Variants in CNTN4 observed in about 807,000 individuals in gnomAD.
CNTN4 encodes the protein contactin-4.
In CNTN4, 77 loss-of-function variants were observed where a neutral mutation model predicts 122.5. The ratio of observed to expected loss-of-function variants is 0.63; its 90% CI spans 0.52 to 0.76. The LOEUF (loss-of-function observed/expected upper bound fraction) is 0.76. Among genes scored for constraint, CNTN4 ranks in the 30% least tolerant of loss-of-function variants. CNTN4 has a pLI of 0.00. For synonymous variants in CNTN4, 512 were observed against 447.0 expected, an observed-to-expected ratio of 1.15 and a Z score of -1.83; for missense variants, 1,256 against 1,259.1, an observed-to-expected ratio of 1.00 and a Z score of 0.04.
chr3:2,122,586 G>T (rs2033872614), intron 2 of CNTN4, among the ~76,000 whole-genome samples: 1 of 152,142 alleles, frequency 6.6e-6, no homozygotes, highest in Admixed American at 6.5e-5. Context: ...AAACATGTGT[G>T]ATTATATCTG....
intron 7 of CNTN4, among the ~76,000 whole-genome samples, chr3:2,840,635 C>T (rs4684363): frequency 4.2e-5 from 5 of 118,224 alleles, no homozygotes; most frequent in Non-Finnish European, 7.1e-5. Context: ...GGAGGCGGAG[C>T]TTGCAGTGAG....
chr3:2,154,987 A>G (rs900147538), intron 2 of CNTN4, among the ~76,000 whole-genome samples: 1 of 152,234 alleles, frequency 6.6e-6, no homozygotes, highest in African/African-American at 2.4e-5. Flanking sequence ...CAGTAACAAA[A>G]AACCTCTCCC....
chr3:2,821,861 A>G (rs538795860), intron 7 of CNTN4, among the ~76,000 whole-genome samples: 1 of 152,236 alleles, frequency 6.6e-6, no homozygotes, highest in Non-Finnish European at 1.5e-5. Flanking sequence ...TTGACTTTCC[A>G]CATGTTTAAA....
At chr3:2,203,463 G>A (rs2038195602) in intron 2 of CNTN4, among the ~76,000 whole-genome samples, 1 of 151,954 alleles carries the variant, frequency 6.6e-6, no homozygotes, top group Non-Finnish European at 1.5e-5. Context: ...CATATTTCTG[G>A]GAGAAATAGA....
At position 2,436,368 on chromosome 3, in the gene CNTN4, G is replaced by C. The variant is rs55800502; in HGVS notation, c.-89+97135G>C. Among the ~76,000 whole-genome samples the C allele has an allele frequency of 5.5e-3, 843 of 152,232 alleles. 6 individuals carry two copies. The highest frequency in any genetic ancestry group is 0.02 in the African/African-American group (813 of 41,556). ...AAGTAAATGAGACAGGAAAGGCAGTGAGTGCTATAGGAGAAGGCATTCTGA... is the reference window on the plus strand; with the variant it reads ...AAGTAAATGAGACAGGAAAGGCAGTCAGTGCTATAGGAGAAGGCATTCTGA... On this transcript the variant is annotated intron_variant, in intron 3 of 24. Coordinates refer to ENST00000418658, the MANE Select transcript of CNTN4 (RefSeq NM_175607.3).
intron 2 of CNTN4, among the ~76,000 whole-genome samples, chr3:2,224,918 A>G (rs926671835): frequency 4.6e-5 from 7 of 152,182 alleles, no homozygotes; most frequent in African/African-American, 1.7e-4. Flanking sequence ...TGGGAGGCCG[A>G]GGCGGGTGGA....
chr3:2,568,562 TG>T (rs1207088891), intron 3 of CNTN4, among the ~76,000 whole-genome samples: 1 of 152,126 alleles, frequency 6.6e-6, no homozygotes, highest in Non-Finnish European at 1.5e-5. Flanking sequence ...CCATAACTCT[TG>T]GCTCATCCTG....
At chr3:2,117,692 C>T (rs922689621) in intron 2 of CNTN4, among the ~76,000 whole-genome samples, 1 of 152,170 alleles carries the variant, frequency 6.6e-6, no homozygotes, top group Non-Finnish European at 1.5e-5. Flanking sequence ...AGTTTTATGT[C>T]AGGAAATGGG....
rs1574912602 is a variant in CNTN4 at position 2,135,779 on chromosome 3, A to G, written c.-145+35140A>G. On this transcript the variant is annotated intron_variant, in intron 2 of 24. Coordinates refer to ENST00000418658, the MANE Select transcript of CNTN4 (RefSeq NM_175607.3). ...CCTATGTGCAGATTTGTTGTTCAGA[A>G]CAAATGGGGTTACCATAAGTATGGA... Among the ~76,000 whole-genome samples, 5 of 152,186 alleles carry G rather than the reference A, an allele frequency of 3.3e-5. No homozygotes were observed. In the South Asian group the frequency reaches 1.0e-3, roughly 31 times the overall value.
intron 2 of CNTN4, among the ~76,000 whole-genome samples, chr3:2,182,504 G>A (rs1205298301): frequency 6.6e-6 from 1 of 152,074 alleles, no homozygotes; most frequent in Non-Finnish European, 1.5e-5. Context: ...TAGCCAATAT[G>A]TAATATCTGC....
At chr3:2,423,359 T>G (rs1385646406) in intron 3 of CNTN4, among the ~76,000 whole-genome samples, 1 of 152,184 alleles carries the variant, frequency 6.6e-6, no homozygotes, top group Admixed American at 6.5e-5. Flanking sequence ...AAACATGTGG[T>G]GCCATTTTGT....
intron 6 of CNTN4, among the ~76,000 whole-genome samples, chr3:2,791,642 C>G (rs1036236541): frequency 1.3e-5 from 2 of 152,162 alleles, no homozygotes; most frequent in Non-Finnish European, 2.9e-5. Flanking sequence ...TTACTTTTCT[C>G]AGCTACTGTA....
intron 7 of CNTN4, 95 bp downstream of exon 7, chr3:2,819,676 C>A: frequency 1.1e-6 from 1 of 938,378 alleles, no homozygotes; most frequent in Non-Finnish European, 1.7e-6. Flanking sequence ...TGCACAGTGT[C>A]ATTTATAGAG....
At chr3:2,309,190 A>G (rs1484051823) in intron 2 of CNTN4, among the ~76,000 whole-genome samples, 2 of 151,948 alleles carry the variant, frequency 1.3e-5, no homozygotes, top group Non-Finnish European at 2.9e-5. Context: ...TGGCAGATTG[A>G]CCCTTTTCTC....
chr3:2,772,375 G>A (rs549609688), intron 6 of CNTN4, among the ~76,000 whole-genome samples: 6 of 136,616 alleles, frequency 4.4e-5, no homozygotes, highest in East Asian at 2.2e-4. Flanking sequence ...GTCAAGGTTC[G>A]TTGGATGGTT....
chr3:2,296,109 C>T (rs555250098), intron 2 of CNTN4, among the ~76,000 whole-genome samples: 78 of 152,136 alleles, frequency 5.1e-4, no homozygotes, highest in African/African-American at 1.4e-3. Context: ...AGTCAGGTAG[C>T]GTGATGCCTC....
At chr3:2,499,153 C>A (rs183749504) in intron 3 of CNTN4, among the ~76,000 whole-genome samples, 2 of 152,246 alleles carry the variant, frequency 1.3e-5, no homozygotes, top group African/African-American at 2.4e-5. Context: ...AAGATTTTCT[C>A]TTGCATCCTC....
At chr3:2,122,718 C>A (rs574929163) in intron 2 of CNTN4, among the ~76,000 whole-genome samples, 1 of 152,284 alleles carries the variant, frequency 6.6e-6, no homozygotes, top group East Asian at 1.9e-4. Flanking sequence ...AATTTACATT[C>A]TCAAAACAAG....
chr3:2,168,801 G>A (rs2036314790), intron 2 of CNTN4, among the ~76,000 whole-genome samples: 1 of 152,104 alleles, frequency 6.6e-6, no homozygotes, highest in South Asian at 2.1e-4. Context: ...TGTTATGGAT[G>A]TAATACTTGC....
Sources: gnomAD v4.1 joint callset for allele counts (sites outside exome capture counted in the v4.1 genomes callset) on GRCh38, gnomAD v4.1.1 for gene constraint, MANE v1.5 for transcripts, NCBI Gene and HGNC (gene_info 2026-07-23, HGNC 2026-07-21) for gene names.